The following IFT140 variants were observed in gnomAD, a reference collection of about 807,000 sequenced individuals.
The protein encoded by IFT140 is intraflagellar transport 140, also known as intraflagellar transport protein 140 homolog.
In IFT140, 133 loss-of-function variants were observed where a neutral mutation model predicts 164.6. The observed-to-expected ratio is 0.81, with a 90% CI of 0.70 to 0.93. The LOEUF is 0.93. Among genes scored for constraint, IFT140 ranks in the 40% least tolerant of loss-of-function variants. The probability of loss-of-function intolerance (pLI) is 0.00; values close to 1 mark genes in which losing one functional copy is unlikely to be tolerated. For missense variants in IFT140, 2,045 were observed against 1,972.3 expected, an observed-to-expected ratio of 1.04 and a Z score of -0.70; for synonymous variants, 860 against 817.3, an observed-to-expected ratio of 1.05 and a Z score of -0.89.
chr16:1,572,888 G>C (rs1044855617), intron 13 of IFT140, among the ~76,000 whole-genome samples: 3 of 152,226 alleles, frequency 2.0e-5, no homozygotes. Flanking sequence ...CGTGGGGGCA[G>C]CGAGTCAGAT....
intron 13 of IFT140, among the ~76,000 whole-genome samples, chr16:1,576,355 G>T (rs1265165575): frequency 6.6e-6 from 1 of 151,478 alleles, no homozygotes; most frequent in Non-Finnish European, 1.5e-5. Flanking sequence ...ACTTTGGGAG[G>T]CCGAGGCGGG....
At chr16:1,574,748 C>T (rs1304463984) in intron 13 of IFT140, among the ~76,000 whole-genome samples, 1 of 150,476 alleles carries the variant, frequency 6.6e-6, no homozygotes, top group African/African-American at 2.5e-5. Flanking sequence ...CCTTCCATGG[C>T]ACTTGACCTT....
chr16:1,559,877 G>A (rs565611957), intron 18 of IFT140, among the ~76,000 whole-genome samples: 2 of 152,324 alleles, frequency 1.3e-5, no homozygotes, highest in South Asian at 4.1e-4. Flanking sequence ...CACACGACCT[G>A]GGCGTCTGTA....
chr16:1,562,825 G>A (rs1017540642), intron 17 of IFT140, among the ~76,000 whole-genome samples: 1 of 151,890 alleles, frequency 6.6e-6, no homozygotes, highest in African/African-American at 2.4e-5. Context: ...AAAGAGCCCC[G>A]ACCCTGCTTT....
rs2036003902 is a variant in IFT140, at chr16:1,605,360, CCTGCAGAGGG to C, written c.147+1750_147+1759del. ...GTGAAGTTGTGGTGGCAATAGGGAGCCTGCAGAGGGCTGAAGAGTGAGTAGAGGAGGAAAC... is the reference window on the plus strand; with the variant it reads ...GTGAAGTTGTGGTGGCAATAGGGAGCCTGAAGAGTGAGTAGAGGAGGAAAC... On this transcript the variant is annotated intron_variant, in intron 3 of 30. Transcript: ENST00000426508. Among the ~76,000 whole-genome samples the C allele has an allele frequency of 7.9e-5, 12 of 152,182 alleles. No individual in the cohort carries two copies. The South Asian group carries it at 2.3e-3, about 29-fold the overall frequency.
intron 19 of IFT140, among the ~76,000 whole-genome samples, chr16:1,543,469 G>A (rs2031849640): frequency 1.3e-5 from 2 of 152,238 alleles, no homozygotes; most frequent in African/African-American, 4.8e-5. Context: ...GCGGGTAGGG[G>A]CGGGAAGGGA....
chr16:1,530,059 G>A (rs773655796), intron 19 of IFT140, among the ~76,000 whole-genome samples: 5 of 151,336 alleles, frequency 3.3e-5, no homozygotes, highest in Non-Finnish European at 5.9e-5. Flanking sequence ...CGTGATGGCC[G>A]CTTCGTAAAC....
intron 19 of IFT140, among the ~76,000 whole-genome samples, chr16:1,538,694 A>G (rs2031319089): frequency 6.6e-6 from 1 of 152,234 alleles, no homozygotes; most frequent in Non-Finnish European, 1.5e-5. Context: ...TTAAGAGCAA[A>G]GATGGCACAG....
Position 1,510,736 on chromosome 16 carries a change from G to A in IFT140, c.*208C>T. The stretch of plus-strand genomic sequence containing the variant: ...ATCCAAAAATCTAGTGGAGCTGCCG[G>A]GCACCCAGAGGCAGGTGGGACAGAG... On this transcript the variant is annotated 3_prime_UTR_variant, in exon 31 of 31. Coordinates refer to ENST00000426508, the MANE Select transcript of IFT140 (RefSeq NM_014714.4). The A allele has an allele frequency of 1.7e-6, 1 of 598,164 alleles. No homozygotes were observed. The highest frequency in any genetic ancestry group is 3.0e-6 in the Non-Finnish European group (1 of 337,812). 37.1% of individuals were successfully genotyped at this position (598,164 alleles called of 1,614,324 possible). A position where few individuals can be genotyped will look rare whatever the true frequency, so the allele number is the denominator to read the frequency against.
At chr16:1,536,546 G>C (rs900413600) in intron 19 of IFT140, among the ~76,000 whole-genome samples, 1 of 152,200 alleles carries the variant, frequency 6.6e-6, no homozygotes, top group African/African-American at 2.4e-5. Context: ...GAAGCGTCAC[G>C]GAAGCTCCTT....
Position 1,520,058 on chromosome 16 carries a change from G to A in IFT140, c.3874-11C>T, listed in dbSNP as rs199887622. 2.2e-3 allele frequency: 3,491 copies of A among 1,605,692 alleles called. 10 individuals carry two copies. The highest frequency in any genetic ancestry group is 3.0e-3 in the Middle Eastern group (18 of 6,004). Reference sequence around the variant, plus strand: ...TTCATCAATCTCCACCTGTACAGATGAAACCCGTCAAGACCTGCCGGGCTC... The same window carrying A: ...TTCATCAATCTCCACCTGTACAGATAAAACCCGTCAAGACCTGCCGGGCTC... On this transcript the variant is annotated splice_polypyrimidine_tract_variant and intron_variant, in intron 28 of 30. Transcript: ENST00000426508.
At position 1,553,030 on chromosome 16, in the gene IFT140, A is replaced by G. The variant is rs1170390248; in HGVS notation, c.2399+4905T>C. 1.0e-6 allele frequency: 1 copy of G among 985,334 alleles called. No homozygotes were observed. Among genetic ancestry groups the G allele is most frequent in the African/African-American group, 1.7e-5 (1 of 57,256 alleles). The allele number at this position is 985,334 out of a possible 1,614,324, so 61.0% of individuals were successfully genotyped here. ...GAAGCTCCATGAAGTATTATAAAGA[A>G]TGAACACAGAAACCAGTCACTGTCA... On this transcript the variant is annotated intron_variant, in intron 19 of 30. Coordinates refer to ENST00000426508, the MANE Select transcript of IFT140 (RefSeq NM_014714.4). The surrounding 1 kb of genome is among the most constrained non-coding windows in gnomAD (Gnocchi z 4.4).
At chr16:1,600,794 T>A (rs182987578) in intron 4 of IFT140, among the ~76,000 whole-genome samples, 1 of 151,708 alleles carries the variant, frequency 6.6e-6, no homozygotes, top group Admixed American at 6.5e-5. Flanking sequence ...CAAAAACGTT[T>A]GAAATGAAAG....
chr16:1,606,113 C>T (rs1367064462), intron 3 of IFT140, among the ~76,000 whole-genome samples: 1 of 152,214 alleles, frequency 6.6e-6, no homozygotes, highest in Non-Finnish European at 1.5e-5. Context: ...AGCCAGCGGG[C>T]CCTGCTGACA....
intron 10 of IFT140, among the ~76,000 whole-genome samples, chr16:1,584,977 A>G (rs770659877): frequency 6.6e-5 from 10 of 152,232 alleles, no homozygotes; most frequent in Non-Finnish European, 4.4e-5. Flanking sequence ...ACTTCAAAGC[A>G]GCCACTGGAA....
At chr16:1,565,017 G>A (rs936979534) in intron 16 of IFT140, among the ~76,000 whole-genome samples, 3 of 152,242 alleles carry the variant, frequency 2.0e-5, no homozygotes, top group Non-Finnish European at 2.9e-5. Context: ...GCTGGTTCCC[G>A]TGAGGTGAGA....
rs768821637 is a variant in IFT140 at position 1,568,284 on chromosome 16, C to G, written c.1703G>C (p.Gly568Ala). The G allele has an allele frequency of 3.1e-6, 5 of 1,613,576 alleles. No individual in the cohort carries two copies. Among genetic ancestry groups the G allele is most frequent in the Non-Finnish European group, 4.2e-6 (5 of 1,179,988 alleles). ...SCRSLAELVP[G>A]VGGIASLRCS... ...CCGCAGAGAAGCGATGCCCCCCACC[C>G]CAGGGACCAGCTCCGCCAGGCTCCT... Residue 568 changes from glycine to alanine, a missense_variant, in exon 15 of 31, where the codon GGG becomes GCG. Gly to Ala is a moderately conservative substitution (Grantham distance 60). Transcript: ENST00000426508.
chr16:1,602,715 G>T, intron 3 of IFT140, 124 bp from the exon 4 acceptor site: 1 of 838,878 alleles, frequency 1.2e-6, no homozygotes, highest in Non-Finnish European at 1.9e-6. Context: ...GCTGAGGTGG[G>T]TGGATCACAA....
At position 1,518,308 on chromosome 16, in the gene IFT140, G is replaced by T; in HGVS notation, c.4090C>A (p.Leu1364Met). 2.5e-6 allele frequency: 4 copies of T among 1,614,086 alleles called. No homozygotes were observed. The highest frequency in any genetic ancestry group is 3.4e-6 in the Non-Finnish European group (4 of 1,180,000). ...GTGCTGTCCAGGTCTGGTTCCTCCA[G>T]GAGCAGCTCACACTGCTTGATGGAC... ...KESIKQCELLLEEPDLDSTIR... is the reference protein window; with the variant it reads ...KESIKQCELLMEEPDLDSTIR... The change falls in exon 30 of 31, where the codon CTG (leucine) becomes ATG (methionine). Residue 1364 changes from leucine to methionine, a missense_variant. By Grantham distance (15) the Leu-to-Met change is conservative. Coordinates refer to ENST00000426508, the MANE Select transcript of IFT140 (RefSeq NM_014714.4).
Sources: gnomAD v4.1 joint callset for allele counts (sites outside exome capture counted in the v4.1 genomes callset) on GRCh38, gnomAD v4.1.1 for gene constraint, Gnocchi (gnomAD v3.1) non-coding constraint, MANE v1.5 for transcripts, NCBI Gene and HGNC (gene_info 2026-07-23, HGNC 2026-07-21) for gene names.